OPCML: variants seen among roughly 807,000 people sequenced by gnomAD.
The protein encoded by OPCML is opioid-binding protein/cell adhesion molecule.
Under a neutral mutation model 37.8 loss-of-function variants are expected in OPCML, and 13 were observed. The observed-to-expected ratio is 0.34, with a 90% CI of 0.22 to 0.55. The LOEUF is 0.55. Ranked by LOEUF, OPCML falls within the 20% of genes least tolerant of loss-of-function variation. OPCML has a pLI of 0.91. For missense variants in OPCML, 341 were observed against 435.6 expected (o/e 0.78, Z 1.93); for synonymous variants, 176 against 168.8 (o/e 1.04, Z -0.33).
At chr11:132,966,729 C>T (rs530282878) in intron 1 of OPCML, among the ~76,000 whole-genome samples, 2 of 152,014 alleles carry the variant, frequency 1.3e-5, no homozygotes, top group South Asian at 4.2e-4. Flanking sequence ...TTTTGGGGCT[C>T]TGTGATTTGT....
chr11:132,858,253 C>G (rs751108588), intron 2 of OPCML, among the ~76,000 whole-genome samples: 26 of 152,288 alleles, frequency 1.7e-4, no homozygotes, highest in Non-Finnish European at 3.7e-4. Context: ...ACAGTGACAC[C>G]CTGCTCTGCT....
chr11:133,217,144 T>C (rs1286155658), intron 1 of OPCML, among the ~76,000 whole-genome samples: 3 of 152,064 alleles, frequency 2.0e-5, no homozygotes, highest in African/African-American at 4.8e-5. Context: ...GCCTCTCACC[T>C]CCAGGTGAGC....
intron 1 of OPCML, among the ~76,000 whole-genome samples, chr11:133,167,708 C>G (rs1033639259): frequency 5.9e-5 from 9 of 152,028 alleles, no homozygotes; most frequent in Non-Finnish European, 4.4e-5. Context: ...TGCTGGAGTT[C>G]CTAAAGCTGT....
intron 1 of OPCML, among the ~76,000 whole-genome samples, chr11:133,508,005 T>C (rs1408381026): frequency 6.6e-6 from 1 of 151,940 alleles, no homozygotes; most frequent in Non-Finnish European, 1.5e-5. Flanking sequence ...TGTAAGATCG[T>C]TTTCCCCAAC....
chr11:133,481,635 T>C (rs1300343573), intron 1 of OPCML, among the ~76,000 whole-genome samples: 2 of 152,126 alleles, frequency 1.3e-5, no homozygotes, highest in Admixed American at 1.3e-4. Context: ...TATTCCACTA[T>C]GAAAAATAGG....
intron 4 of OPCML, among the ~76,000 whole-genome samples, chr11:132,507,758 T>C (rs1274619475): frequency 1.3e-5 from 2 of 151,200 alleles, no homozygotes; most frequent in Non-Finnish European, 3.0e-5. Context: ...GAGTATGGTG[T>C]TGTAAACAAA....
intron 1 of OPCML, among the ~76,000 whole-genome samples, chr11:133,073,644 A>G (rs1372859530): frequency 6.6e-6 from 1 of 152,242 alleles, no homozygotes; most frequent in African/African-American, 2.4e-5. Flanking sequence ...TGTGCCTGCC[A>G]CATGACAGGC....
At chr11:132,708,636 C>T (rs1300791217) in intron 2 of OPCML, among the ~76,000 whole-genome samples, 1 of 152,182 alleles carries the variant, frequency 6.6e-6, no homozygotes. Flanking sequence ...AAGTGATTTA[C>T]TCAGACTCTG....
chr11:133,456,193 C>T (rs1186204903), intron 1 of OPCML, among the ~76,000 whole-genome samples: 1 of 152,206 alleles, frequency 6.6e-6, no homozygotes, highest in Non-Finnish European at 1.5e-5. Context: ...TCTGATAAAG[C>T]ATCTAATTTG....
At chr11:132,928,653 C>G (rs1945083516) in intron 2 of OPCML, among the ~76,000 whole-genome samples, 1 of 151,940 alleles carries the variant, frequency 6.6e-6, no homozygotes, top group Non-Finnish European at 1.5e-5. Context: ...CTCCACCCAG[C>G]AAAGGCAGAA....
chr11:132,697,965 TA>T (rs1041477470), intron 2 of OPCML, among the ~76,000 whole-genome samples: 12 of 148,296 alleles, frequency 8.1e-5, no homozygotes, highest in African/African-American at 2.7e-4. Flanking sequence ...TAATTTATTT[TA>T]TTTTATTTTC....
intron 1 of OPCML, among the ~76,000 whole-genome samples, chr11:133,000,300 A>C (rs1011709770): frequency 6.6e-6 from 1 of 152,096 alleles, no homozygotes; most frequent in Non-Finnish European, 1.5e-5. Context: ...TTTAATAGAG[A>C]CGGGGTTTTT....
At chr11:133,125,709 G>C (rs55760536) in intron 1 of OPCML, among the ~76,000 whole-genome samples, 1 of 30,448 alleles carries the variant, frequency 3.3e-5, no homozygotes, top group African/African-American at 1.1e-4. Context: ...TATATATAGT[G>C]TATATATATG....
At chr11:133,240,024 G>C (rs976947216) in intron 1 of OPCML, among the ~76,000 whole-genome samples, 41 of 151,948 alleles carry the variant, frequency 2.7e-4, no homozygotes, top group African/African-American at 9.7e-4. Context: ...GCCAAATCAA[G>C]GAAATGATGA....
At chr11:132,710,688 CA>C (rs11340177) in intron 2 of OPCML, among the ~76,000 whole-genome samples, 23,118 of 135,098 alleles carry the variant, frequency 0.17, 2,031 homozygotes, top group African/African-American at 0.25. Context: ...CTAAAAAATA[CA>C]AAAAAAAAAA....
intron 1 of OPCML, among the ~76,000 whole-genome samples, chr11:133,273,398 C>T (rs1374441889): frequency 1.3e-5 from 2 of 152,152 alleles, no homozygotes; most frequent in African/African-American, 4.8e-5. Flanking sequence ...CACCAAACCA[C>T]ACTTCCAAGT....
chr11:133,435,039 G>C (rs916427713), intron 1 of OPCML, among the ~76,000 whole-genome samples: 3 of 151,848 alleles, frequency 2.0e-5, no homozygotes, highest in African/African-American at 7.3e-5. Context: ...GTTCAAGTGA[G>C]AGATAGCCTA....
intron 1 of OPCML, among the ~76,000 whole-genome samples, chr11:133,491,011 C>T (rs1264054038): frequency 6.6e-6 from 1 of 152,236 alleles, no homozygotes; most frequent in Non-Finnish European, 1.5e-5. Flanking sequence ...GTACCTAGAA[C>T]ACTGCCTGAC....
At chr11:132,803,806 T>C (rs1216153523) in intron 2 of OPCML, among the ~76,000 whole-genome samples, 2 of 152,194 alleles carry the variant, frequency 1.3e-5, no homozygotes, top group African/African-American at 4.8e-5. Context: ...ATTTTTCTAC[T>C]TAAAAATAGG....
Sources: gnomAD v4.1 joint callset for allele counts (sites outside exome capture counted in the v4.1 genomes callset) on GRCh38, gnomAD v4.1.1 for gene constraint, MANE v1.5 for transcripts, NCBI Gene and HGNC (gene_info 2026-07-23, HGNC 2026-07-21) for gene names.